The following COG2 variants were observed in gnomAD, a reference collection of about 807,000 sequenced individuals.
The protein encoded by COG2 is conserved oligomeric Golgi complex subunit 2.
A neutral mutation model predicts 90.6 loss-of-function variants in COG2; 52 were observed. The observed-to-expected ratio is 0.57, with a 90% CI of 0.46 to 0.72. The LOEUF is 0.72. Among genes scored for constraint, COG2 ranks in the 30% least tolerant of loss-of-function variants. COG2 has a pLI of 0.00. For synonymous variants in COG2, 337 were observed against 320.4 expected, an observed-to-expected ratio of 1.05 and a Z score of -0.55; for missense variants, 829 against 891.2, an observed-to-expected ratio of 0.93 and a Z score of 0.89.
At chr1:230,678,352 G>C in intron 9 of COG2, 1 of 985,414 alleles carries the variant, frequency 1.0e-6, no homozygotes, top group Non-Finnish European at 1.2e-6. Context: ...GGGTCGTTTT[G>C]TGGGTTAAAT....
chr1:230,674,822 T>C (rs1209162663), intron 8 of COG2, among the ~76,000 whole-genome samples, 176 bp from the exon 9 acceptor site: 1 of 152,156 alleles, frequency 6.6e-6, no homozygotes, highest in Non-Finnish European at 1.5e-5. Flanking sequence ...AGACTGAAAT[T>C]AAGGAGTGAA....
chr1:230,678,969 G>A lies in COG2; in HGVS notation c.1083G>A (p.Gln361=). 1 of 1,613,632 alleles carries A rather than the reference G, an allele frequency of 6.2e-7. No homozygotes were observed. Among genetic ancestry groups the A allele is most frequent in the East Asian group, 2.2e-5 (1 of 44,864 alleles). Residue 361 remains glutamine (Q), a synonymous_variant, in exon 10 of 18, where the codon CAG becomes CAA. Coordinates refer to ENST00000366669, the MANE Select transcript of COG2 (RefSeq NM_007357.3). ...GATTGGAACGGCAGTGTGGATCACA[G>A]GCTAGTGTAAAGAGATTAAGAGCCC... ...VRRLERQCGS[Q]ASVKRLRAHP...
At chr1:230,649,604 G>T (rs1331172068) in intron 1 of COG2, among the ~76,000 whole-genome samples, 1 of 152,162 alleles carries the variant, frequency 6.6e-6, no homozygotes, top group Admixed American at 6.5e-5. Flanking sequence ...TAGAATATAT[G>T]CTCCTTGAGA....
At position 230,669,423 on chromosome 1, in the gene COG2, C is replaced by A. The variant is rs370647410; in HGVS notation, c.662C>A (p.Thr221Lys). 6.2e-7 allele frequency: 1 copy of A among 1,613,940 alleles called. No homozygotes were observed. The highest frequency in any genetic ancestry group is 8.5e-7 in the Non-Finnish European group (1 of 1,179,964). ...LEGLLLEGLQTSDVDIIRHCL... is the reference protein window; with the variant it reads ...LEGLLLEGLQKSDVDIIRHCL... ...GGTCTCCTATTAGAAGGCCTTCAGA[C>A]GTCTGACGTCGATATAATACGGCAC... The change falls in exon 7 of 18, where the codon ACG (threonine) becomes AAG (lysine). Residue 221 changes from threonine (T) to lysine (K), a missense_variant. Physicochemically the swap from Thr to Lys is moderately conservative, Grantham distance 78 (BLOSUM62 -1). Transcript: ENST00000366669.
chr1:230,685,749 C>A (rs968379890), intron 12 of COG2, among the ~76,000 whole-genome samples: 2 of 152,102 alleles, frequency 1.3e-5, no homozygotes, highest in Admixed American at 1.3e-4. Context: ...TAATACCCTA[C>A]AAAAACCCAG....
At position 230,675,067 on chromosome 1, in the gene COG2, A is replaced by G; in HGVS notation, c.969A>G (p.Gly323=). The stretch of plus-strand genomic sequence containing the variant: ...CTGTTTGGCCACAAATAGTACAAGG[A>G]TTAGAAGAAAAGTTACCCTCGCTTT... ...VNSVWPQIVQ[G]LEEKLPSLFN... The change falls in exon 9 of 18, where the codon GGA becomes GGG. Residue 323 remains glycine, a synonymous_variant. Transcript: ENST00000366669. 1 of 1,613,216 alleles carries G rather than the reference A, an allele frequency of 6.2e-7. No individual in the cohort carries two copies. Among genetic ancestry groups the G allele is most frequent in the East Asian group, 2.2e-5 (1 of 44,858 alleles).
intron 12 of COG2, among the ~76,000 whole-genome samples, chr1:230,686,579 T>C (rs972393776): frequency 6.6e-6 from 1 of 152,236 alleles, no homozygotes; most frequent in Non-Finnish European, 1.5e-5. Context: ...ATTACAAATG[T>C]ATTACGCTAT....
At chr1:230,680,313 GC>G (rs1461172540) in intron 10 of COG2, 6 of 152,132 alleles carry the variant, frequency 3.9e-5, no homozygotes, top group African/African-American at 1.4e-4. Context: ...GTTATCTAAT[GC>G]TGTCACCTCA....
Position 230,687,065 on chromosome 1 carries a change from C to G in COG2, c.1511C>G (p.Pro504Arg). Reference sequence around the variant, plus strand: ...GGAAGTGGTCCTTCGGAAACAAAGCCTGTGGTTTCCATTTCCCGCACTCAG... The same window carrying G: ...GGAAGTGGTCCTTCGGAAACAAAGCGTGTGGTTTCCATTTCCCGCACTCAG... ...DQGSGPSETKPVVSISRTQLV... is the reference protein window; with the variant it reads ...DQGSGPSETKRVVSISRTQLV... The change falls in exon 13 of 18, where the codon CCT (proline) becomes CGT (arginine). Residue 504 changes from proline (P) to arginine (R), a missense_variant. Pro to Arg is a moderately radical substitution (Grantham distance 103). Transcript: ENST00000366669. The G allele has an allele frequency of 6.2e-7, 1 of 1,613,154 alleles. No homozygotes were observed. Among genetic ancestry groups the G allele is most frequent in the Non-Finnish European group, 8.5e-7 (1 of 1,179,466 alleles).
At chr1:230,691,830 C>T (rs1238407034) in intron 17 of COG2, 2 of 395,930 alleles carry the variant, frequency 5.1e-6, no homozygotes, top group African/African-American at 2.0e-5. Context: ...CCCATGCTCA[C>T]GGAGCTCACT....
At chr1:230,675,818 C>A (rs1408633505) in intron 9 of COG2, among the ~76,000 whole-genome samples, 1 of 151,768 alleles carries the variant, frequency 6.6e-6, no homozygotes, top group Non-Finnish European at 1.5e-5. Flanking sequence ...GTCAATTTTT[C>A]TTTTCTTTTT....
In COG2 at chr1:230,671,571, A is replaced by G. The variant is rs368595830; in HGVS notation, c.830A>G (p.Asn277Ser). ...CCCAATGGCCTTCAGGTCATGTATA[A>G]TAAACTCCTGGAGTTTGTTCCTCAC... The part of the protein sequence containing the change: ...SHPNGLQVMY[N>S]KLLEFVPHHC... The change falls in exon 8 of 18, where the codon AAT (asparagine) becomes AGT (serine). Residue 277 changes from asparagine (N) to serine (S), a missense_variant. Physicochemically the swap from Asn to Ser is conservative, Grantham distance 46. Transcript: ENST00000366669. The G allele has an allele frequency of 1.2e-6, 2 of 1,613,774 alleles. No individual in the cohort carries two copies. Among genetic ancestry groups the G allele is most frequent in the Non-Finnish European group, 1.7e-6 (2 of 1,179,734 alleles).
chr1:230,647,638 T>C (rs12077354), intron 1 of COG2, among the ~76,000 whole-genome samples: 3,470 of 152,254 alleles, frequency 0.023, 127 homozygotes, highest in African/African-American at 0.08. Context: ...CCGCAGAGGA[T>C]TGATTCCAGG....
At chr1:230,671,491 TA>T (rs765306984) in intron 7 of COG2, 24 bp from the exon 8 acceptor site, 3 of 1,592,554 alleles carry the variant, frequency 1.9e-6, no homozygotes, top group Non-Finnish European at 8.5e-7. Flanking sequence ...AATGCTTTTT[TA>T]AAAAATGATT....
intron 7 of COG2, 44 bp from the exon 8 acceptor site, chr1:230,671,472 T>TC: frequency 6.4e-7 from 1 of 1,559,886 alleles, no homozygotes; most frequent in Non-Finnish European, 8.7e-7. Flanking sequence ...CGTTTGTACT[T>TC]CCCTTTTAAA....
rs373476561 is a variant in COG2, at chr1:230,678,463, A to G, written c.1027-450A>G. On this transcript the variant is annotated intron_variant, in intron 9 of 17. Coordinates refer to ENST00000366669, the MANE Select transcript of COG2 (RefSeq NM_007357.3). ...ACATCTCCCTGTCAGTTTTCATGCT[A>G]TCTTATTTATAAAAATGAAGTGAAT... The G allele has an allele frequency of 2.3e-5, 23 of 985,148 alleles. 1 individual carries two copies. The East Asian group carries it at 1.4e-3, about 58-fold the overall frequency. 61.0% of individuals were successfully genotyped at this position (985,148 alleles called of 1,614,324 possible).
chr1:230,672,710 C>T (rs534658321), intron 8 of COG2, among the ~76,000 whole-genome samples: 18 of 151,880 alleles, frequency 1.2e-4, no homozygotes, highest in African/African-American at 4.3e-4. Context: ...CAGCATTCAT[C>T]ATGTCCTCTG....
At chr1:230,667,869 T>C (rs1460483907) in intron 5 of COG2, among the ~76,000 whole-genome samples, 1 of 152,178 alleles carries the variant, frequency 6.6e-6, no homozygotes, top group Non-Finnish European at 1.5e-5. Context: ...ATTATGCCTT[T>C]ATACTTCTCC....
intron 17 of COG2, 139 bp downstream of exon 17, chr1:230,691,703 C>T (rs1237373542): frequency 9.3e-6 from 7 of 748,862 alleles, no homozygotes; most frequent in East Asian, 2.7e-5. Context: ...GACTAGGAGT[C>T]GGGGCTCCCA....
Sources: allele counts gnomAD v4.1 joint callset (sites outside exome capture counted in the v4.1 genomes callset), GRCh38; gene constraint gnomAD v4.1.1; transcripts MANE v1.5; gene names NCBI Gene and HGNC (gene_info 2026-07-23, HGNC 2026-07-21).